The following SCGN variants were observed in gnomAD, a reference collection of about 807,000 sequenced individuals.
The protein encoded by SCGN is secretagogin.
SCGN carries 30 observed loss-of-function variants against 39.7 expected under a neutral mutation model. The ratio of observed to expected loss-of-function variants is 0.76; its 90% CI spans 0.57 to 1.03. The LOEUF (loss-of-function observed/expected upper bound fraction) is 1.03, where lower values mean the gene tolerates loss of function less well. Ranked by LOEUF, SCGN falls within the 50% of genes least tolerant of loss-of-function variation. The pLI is 0.00. For synonymous variants in SCGN, 106 were observed against 114.1 expected, an observed-to-expected ratio of 0.93 and a Z score of 0.45; for missense variants, 353 against 349.4, an observed-to-expected ratio of 1.01 and a Z score of -0.08.
intron 10 of SCGN, among the ~76,000 whole-genome samples, chr6:25,694,935 A>G (rs914534888): frequency 6.6e-5 from 10 of 152,214 alleles, no homozygotes; most frequent in African/African-American, 2.4e-4. Context: ...AATTTATTTT[A>G]AAAGAAACTG....
chr6:25,677,733 A>G (rs1759584126), intron 6 of SCGN, among the ~76,000 whole-genome samples: 1 of 152,198 alleles, frequency 6.6e-6, no homozygotes, highest in South Asian at 2.1e-4. Flanking sequence ...GGTAGTTACC[A>G]CTAGAACAGG....
At chr6:25,668,550 A>T (rs2151378815) in intron 4 of SCGN, among the ~76,000 whole-genome samples, 1 of 152,340 alleles carries the variant, frequency 6.6e-6, no homozygotes, top group Admixed American at 6.5e-5. Context: ...TTTAAAGTTC[A>T]TCTTTCATTC....
At chr6:25,679,634 C>A (rs148770567) in intron 6 of SCGN, among the ~76,000 whole-genome samples, 2 of 152,170 alleles carry the variant, frequency 1.3e-5, no homozygotes, top group Admixed American at 6.5e-5. Flanking sequence ...GGTTTATAGT[C>A]AAGGGTAGGG....
chr6:25,659,253 T>C (rs1760288155), intron 2 of SCGN, among the ~76,000 whole-genome samples: 1 of 152,180 alleles, frequency 6.6e-6, no homozygotes, highest in Admixed American at 6.5e-5. Flanking sequence ...CCAGAACCCA[T>C]CCTGAAAAAT....
chr6:25,666,876 C>A (rs1164019676), intron 4 of SCGN, among the ~76,000 whole-genome samples: 2 of 152,072 alleles, frequency 1.3e-5, no homozygotes, highest in Non-Finnish European at 2.9e-5. Context: ...TGTATAAAGT[C>A]ATAATTATTT....
chr6:25,662,623 T>C (rs559556549), intron 3 of SCGN, among the ~76,000 whole-genome samples: 59 of 152,348 alleles, frequency 3.9e-4, no homozygotes, highest in Middle Eastern at 3.4e-3. Context: ...GTTATGTTAA[T>C]AGGGCAGGAT....
chr6:25,697,730 C>T (rs753328265), intron 10 of SCGN, among the ~76,000 whole-genome samples: 1 of 152,202 alleles, frequency 6.6e-6, no homozygotes, highest in Non-Finnish European at 1.5e-5. Context: ...TAAAGGGAGA[C>T]AGGTCAGCAT....
intron 6 of SCGN, among the ~76,000 whole-genome samples, chr6:25,674,700 G>C (rs1228004895): frequency 6.6e-6 from 1 of 152,206 alleles, no homozygotes; most frequent in African/African-American, 2.4e-5. Context: ...CATGACTAAT[G>C]AGTGAGTTAA....
intron 4 of SCGN, among the ~76,000 whole-genome samples, chr6:25,665,361 C>T (rs1280567827): frequency 6.6e-6 from 1 of 152,120 alleles, no homozygotes; most frequent in Non-Finnish European, 1.5e-5. Context: ...TGTGCCCCAT[C>T]TGAAGCCAAT....
intron 9 of SCGN, among the ~76,000 whole-genome samples, chr6:25,690,286 G>A (rs1179246249): frequency 6.6e-6 from 1 of 152,166 alleles, no homozygotes; most frequent in Non-Finnish European, 1.5e-5. Context: ...TAAAATTAGG[G>A]TGATAAGGAT....
intron 6 of SCGN, among the ~76,000 whole-genome samples, chr6:25,674,404 A>G (rs975057454): frequency 6.6e-6 from 1 of 152,206 alleles, no homozygotes; most frequent in African/African-American, 2.4e-5. Flanking sequence ...TGGTTTTTTA[A>G]AAGACTTTTT....
At chr6:25,696,805 T>G (rs564151748) in intron 10 of SCGN, among the ~76,000 whole-genome samples, 2 of 152,210 alleles carry the variant, frequency 1.3e-5, no homozygotes, top group African/African-American at 4.8e-5. Context: ...TCACGGAAGA[T>G]AGCATTCTGG....
chr6:25,677,848 C>T (rs973876387), intron 6 of SCGN, among the ~76,000 whole-genome samples: 7 of 152,178 alleles, frequency 4.6e-5, no homozygotes, highest in African/African-American at 1.7e-4. Flanking sequence ...TTTAAAAAGT[C>T]ACAGACTTCC....
intron 7 of SCGN, among the ~76,000 whole-genome samples, chr6:25,685,757 T>C (rs1286615970): frequency 2.0e-5 from 3 of 152,178 alleles, no homozygotes; most frequent in African/African-American, 7.2e-5. Flanking sequence ...CCTTAAAGTT[T>C]ACCCTTTTAA....
intron 9 of SCGN, 63 bp from the exon 10 acceptor site, chr6:25,690,992 GT>G: frequency 1.6e-6 from 2 of 1,275,148 alleles, no homozygotes; most frequent in Non-Finnish European, 1.1e-6. Context: ...ATTTACCTAA[GT>G]TATTGCCTTG....
chr6:25,701,450 T>G lies in SCGN; in HGVS notation c.*115T>G. 7.1e-7 allele frequency: 1 copy of G among 1,399,820 alleles called. No homozygotes were observed. Among genetic ancestry groups the G allele is most frequent in the Non-Finnish European group, 9.7e-7 (1 of 1,027,698 alleles). 86.7% of individuals were successfully genotyped at this position (1,399,820 alleles called of 1,614,324 possible). ...GGCAAACTCACAAATGGTGTGCTAT[T>G]CTTGGGCAAGAACAGGGACGCTAGG... On this transcript the variant is annotated 3_prime_UTR_variant, in exon 11 of 11. Coordinates refer to ENST00000377961, the MANE Select transcript of SCGN (RefSeq NM_006998.4).
chr6:25,681,800 T>A, intron 6 of SCGN, 151 bp from the exon 7 acceptor site: 1 of 657,322 alleles, frequency 1.5e-6, no homozygotes, highest in Non-Finnish European at 2.7e-6. Flanking sequence ...CAATTCCTTC[T>A]GTGACAAATA....
intron 10 of SCGN, among the ~76,000 whole-genome samples, chr6:25,698,947 C>T (rs559934480): frequency 5.3e-5 from 8 of 152,294 alleles, no homozygotes; most frequent in Admixed American, 2.0e-4. Flanking sequence ...GTCATTTACC[C>T]CATTGGACAG....
chr6:25,654,204 G>A (rs752811352), intron 2 of SCGN, among the ~76,000 whole-genome samples: 1 of 152,198 alleles, frequency 6.6e-6, no homozygotes, highest in African/African-American at 2.4e-5. Flanking sequence ...GATGGAGATA[G>A]TTTGTCCTTA....
Sources: gnomAD v4.1 joint callset for allele counts (sites outside exome capture counted in the v4.1 genomes callset) on GRCh38, gnomAD v4.1.1 for gene constraint, MANE v1.5 for transcripts, NCBI Gene and HGNC (gene_info 2026-07-23, HGNC 2026-07-21) for gene names.